Variants in ETV1 observed in about 807,000 individuals in gnomAD.
ETV1 encodes ETS translocation variant 1.
ETV1 carries 27 observed loss-of-function variants against 62.3 expected under a neutral mutation model. That is an observed-to-expected ratio of 0.43 (90% CI 0.32 to 0.60). The LOEUF is 0.60. Among genes scored for constraint, ETV1 ranks in the 20% least tolerant of loss-of-function variants. ETV1 has a pLI of 0.06. For missense variants in ETV1, 605 were observed against 605.8 expected (o/e 1.00, Z 0.01); for synonymous variants, 222 against 199.6 (o/e 1.11, Z -0.94).
At chr7:13,967,902 TTG>T (rs1236238989) in intron 6 of ETV1, among the ~76,000 whole-genome samples, 3 of 152,134 alleles carry the variant, frequency 2.0e-5, no homozygotes, top group Non-Finnish European at 4.4e-5. Flanking sequence ...CTAATAATTG[TTG>T]TGTTTACTTT....
chr7:13,906,550 T>C lies in ETV1; in HGVS notation c.990A>G (p.Gln330=). Residue 330 remains glutamine, a synonymous_variant, in exon 12 of 14, where the codon CAA becomes CAG. Coordinates refer to ENST00000430479, the MANE Select transcript of ETV1 (RefSeq NM_004956.5). ...PGMYREGPTY[Q]RRGSLQLWQF... ...GCCAGAGCTGAAGTGATCCTCGCCG[T>C]TGGTATGTGGGTCCTTCCCGATACA... 1 of 1,612,678 alleles carries C rather than the reference T, an allele frequency of 6.2e-7. No homozygotes were observed. The highest frequency in any genetic ancestry group is 2.2e-5 in the East Asian group (1 of 44,852).
intron 8 of ETV1, among the ~76,000 whole-genome samples, chr7:13,932,112 C>G (rs1786257227): frequency 6.6e-6 from 1 of 151,882 alleles, no homozygotes; most frequent in African/African-American, 2.4e-5. Context: ...TCAATTGGAT[C>G]ACGGATAATT....
intron 6 of ETV1, chr7:13,959,153 A>C (rs1227018178): frequency 1.3e-5 from 2 of 152,128 alleles, no homozygotes; most frequent in African/African-American, 4.8e-5. Flanking sequence ...TAATATTAAT[A>C]ATTATGAATG....
chr7:13,960,994 T>G (rs1183148369), intron 6 of ETV1, among the ~76,000 whole-genome samples: 4 of 151,894 alleles, frequency 2.6e-5, no homozygotes, highest in Non-Finnish European at 4.4e-5. Context: ...AATAACAATT[T>G]AAAAATAGCT....
intron 6 of ETV1, among the ~76,000 whole-genome samples, chr7:13,946,795 T>C (rs1219605955): frequency 6.6e-6 from 1 of 152,176 alleles, no homozygotes; most frequent in Non-Finnish European, 1.5e-5. Context: ...TATTCATTCA[T>C]TTATTTATTT....
intron 6 of ETV1, among the ~76,000 whole-genome samples, chr7:13,950,664 A>T (rs1473828072): frequency 4.6e-5 from 7 of 152,142 alleles, no homozygotes. Context: ...GAGAATGGGT[A>T]AGTATTCCAG....
intron 8 of ETV1, among the ~76,000 whole-genome samples, chr7:13,932,129 C>G (rs1786258888): frequency 6.6e-6 from 1 of 151,960 alleles, no homozygotes; most frequent in African/African-American, 2.4e-5. Flanking sequence ...AATTTCCACA[C>G]AAGATTCTTA....
chr7:13,955,921 G>A (rs1445839416), intron 6 of ETV1, among the ~76,000 whole-genome samples: 1 of 152,130 alleles, frequency 6.6e-6, no homozygotes, highest in Non-Finnish European at 1.5e-5. Flanking sequence ...CCAAATTACA[G>A]TATTTCATAA....
At chr7:13,901,261 T>G (rs942428681) in intron 12 of ETV1, among the ~76,000 whole-genome samples, 9 of 152,180 alleles carry the variant, frequency 5.9e-5, no homozygotes, top group Non-Finnish European at 7.4e-5. Context: ...CACCTTGGCC[T>G]CCAAAAGTGT....
intron 9 of ETV1, among the ~76,000 whole-genome samples, chr7:13,913,878 CTTTTTTT>C (rs544899107): frequency 3.4e-5 from 3 of 87,966 alleles, no homozygotes; most frequent in African/African-American, 4.5e-5. Context: ...GGGGGTACCT[CTTTTTTT>C]TTTTTTTTTT....
At chr7:13,913,878 C>CTTTTTTT (rs544899107) in intron 9 of ETV1, among the ~76,000 whole-genome samples, 13 of 87,968 alleles carry the variant, frequency 1.5e-4, no homozygotes, top group Admixed American at 3.1e-4. Context: ...GGGGGTACCT[C>CTTTTTTT]TTTTTTTTTT....
At chr7:13,897,410 A>T (rs1196015876) in intron 13 of ETV1, among the ~76,000 whole-genome samples, 3 of 152,214 alleles carry the variant, frequency 2.0e-5, no homozygotes, top group Non-Finnish European at 2.9e-5. Flanking sequence ...AATTTAGAAC[A>T]TTTTTTGTTT....
intron 10 of ETV1, 85 bp from the exon 11 acceptor site, chr7:13,909,785 G>A: frequency 1.6e-6 from 2 of 1,212,786 alleles, no homozygotes; most frequent in Non-Finnish European, 2.4e-6. Context: ...CATAAAAATT[G>A]TGATAGAAAA....
intron 6 of ETV1, among the ~76,000 whole-genome samples, chr7:13,971,503 T>C (rs73679054): frequency 0.052 from 7,861 of 152,220 alleles, 272 homozygotes; most frequent in South Asian, 0.16. Flanking sequence ...AGAGTCAGGG[T>C]TATTGTTATT....
chr7:13,986,900 C>A, intron 4 of ETV1: 1 of 485,262 alleles, frequency 2.1e-6, no homozygotes, highest in Non-Finnish European at 3.6e-6. Context: ...TTATTTTAGT[C>A]AACTAAAGAA....
At chr7:13,919,829 A>T (rs1251059248) in intron 9 of ETV1, among the ~76,000 whole-genome samples, 2 of 152,140 alleles carry the variant, frequency 1.3e-5, no homozygotes. Flanking sequence ...AAAAAATGTT[A>T]TATGTTCCCT....
chr7:13,903,874 A>G (rs1391915571), intron 12 of ETV1, among the ~76,000 whole-genome samples: 1 of 152,120 alleles, frequency 6.6e-6, no homozygotes, highest in African/African-American at 2.4e-5. Flanking sequence ...CATGTTAAAG[A>G]TTATGCGTTT....
chr7:13,963,511 C>A (rs1259139190), intron 6 of ETV1, among the ~76,000 whole-genome samples: 1 of 143,656 alleles, frequency 7.0e-6, no homozygotes, highest in African/African-American at 2.7e-5. Context: ...TTTTTGAAAA[C>A]ATTTTAATAC....
chr7:13,894,898 T>G lies in ETV1; in HGVS notation c.*968A>C, dbSNP rs993898242. 4.3e-6 allele frequency: 1 copy of G among 232,682 alleles called. No individual in the cohort carries two copies. Among genetic ancestry groups the G allele is most frequent in the Non-Finnish European group, 8.5e-6 (1 of 117,648 alleles). The allele number at this position is 232,682 out of a possible 1,614,324, so 14.4% of individuals were successfully genotyped here. ...TGTATTGGATATTTTTCTTAAAGAG[T>G]GTTTGCTGTAACTAGAACAGCATAA... On this transcript the variant is annotated 3_prime_UTR_variant, in exon 14 of 14. Transcript: ENST00000430479.
Sources: allele counts gnomAD v4.1 joint callset (sites outside exome capture counted in the v4.1 genomes callset), GRCh38; gene constraint gnomAD v4.1.1; transcripts MANE v1.5; gene names NCBI Gene and HGNC (gene_info 2026-07-23, HGNC 2026-07-21).